DGKQ: variants seen among roughly 807,000 people sequenced by gnomAD.
DGKQ encodes the protein DAG kinase theta.
Under a neutral mutation model 104.2 loss-of-function variants are expected in DGKQ, and 97 were observed. The ratio of observed to expected loss-of-function variants is 0.93; its 90% confidence interval spans 0.79 to 1.10. DGKQ has a LOEUF of 1.10. DGKQ is among the 50% of genes least tolerant of loss of function. The pLI is 0.00. For missense variants in DGKQ, 1,465 were observed against 1,352.1 expected, an observed-to-expected ratio of 1.08 and a Z score of -1.31; for synonymous variants, 736 against 595.2, an observed-to-expected ratio of 1.24 and a Z score of -3.44.
rs748951776 is a variant in DGKQ at position 968,009 on chromosome 4, C to G, written c.682G>C (p.Ala228Pro). The G allele has an allele frequency of 3.4e-6, 5 of 1,449,622 alleles. No homozygotes were observed. Among genetic ancestry groups the G allele is most frequent in the Non-Finnish European group, 4.5e-6 (5 of 1,110,212 alleles). 89.8% of individuals were successfully genotyped at this position (1,449,622 alleles called of 1,614,324 possible). Reference protein sequence around the residue: ...CGVQAHSLCSAALAPECGFGR... With the variant: ...CGVQAHSLCSPALAPECGFGR... Reference sequence around the variant, plus strand: ...AAGCCACACTCGGGAGCCAGCGCCGCGGAGCAGAGGGAGTGCGCCTGGGGG... The same window carrying G: ...AAGCCACACTCGGGAGCCAGCGCCGGGGAGCAGAGGGAGTGCGCCTGGGGG... Residue 228 changes from alanine to proline, a missense_variant, in exon 6 of 23, where the codon GCG becomes CCG. Ala to Pro is a conservative substitution (Grantham distance 27). Transcript: ENST00000273814.
At position 973,569 on chromosome 4, in the gene DGKQ, T is replaced by G. The variant is rs981607383; in HGVS notation, c.-87A>C. 2.1e-6 allele frequency: 2 copies of G among 950,258 alleles called. No homozygotes were observed. Among genetic ancestry groups the G allele is most frequent in the Non-Finnish European group, 2.5e-6 (2 of 800,496 alleles). The allele number at this position is 950,258 out of a possible 1,614,324, so 58.9% of individuals were successfully genotyped here. The stretch of plus-strand genomic sequence containing the variant: ...CACGGCCCGGTACACTGCTTCCGAC[T>G]GCGCCTGCCCCACTGCGCAGGCGCG... On this transcript the variant is annotated 5_prime_UTR_variant, in exon 1 of 23. Transcript: ENST00000273814.
chr4:966,254 G>T, intron 12 of DGKQ, 176 bp from the exon 13 acceptor site: 1 of 854,146 alleles, frequency 1.2e-6, no homozygotes, highest in Non-Finnish European at 1.8e-6. Context: ...GACAACCCCT[G>T]TCCGTTCCCC....
chr4:966,173 A>G, intron 12 of DGKQ, 95 bp from the exon 13 acceptor site: 1 of 1,277,458 alleles, frequency 7.8e-7, no homozygotes, highest in Non-Finnish European at 1.1e-6. Context: ...AAAACAGGGC[A>G]TCAGGAACAC....
At chr4:966,182 A>C in intron 12 of DGKQ, 104 bp from the exon 13 acceptor site, 1 of 1,218,810 alleles carries the variant, frequency 8.2e-7, no homozygotes. Flanking sequence ...CATCAGGAAC[A>C]CTCCCAGGAA....
In DGKQ at chr4:960,718, G is replaced by A. The variant is rs760346126; in HGVS notation, c.2731C>T (p.His911Tyr). ...TTCTGCTTGGCCTTCCTCAGCATGT[G>A]CACCTGTCCCAGGGCAGGGGACAGA... ...MIISAAGPKV[H>Y]MLRKAKQKPR... Residue 911 changes from histidine to tyrosine, a missense_variant, in exon 23 of 23, where the codon CAC becomes TAC. His to Tyr is a moderately conservative substitution (Grantham distance 83). Transcript: ENST00000273814. 1 of 1,611,808 alleles carries A rather than the reference G, an allele frequency of 6.2e-7. No homozygotes were observed. The highest frequency in any genetic ancestry group is 1.1e-5 in the South Asian group (1 of 91,072).
chr4:973,523 G>A lies in DGKQ; in HGVS notation c.-41C>T, dbSNP rs1050358545. The A allele has an allele frequency of 1.0e-6, 1 of 987,294 alleles. No individual in the cohort carries two copies. The highest frequency in any genetic ancestry group is 1.2e-6 in the Non-Finnish European group (1 of 831,342). The allele number at this position is 987,294 out of a possible 1,614,324, so 61.2% of individuals were successfully genotyped here. On this transcript the variant is annotated 5_prime_UTR_variant, in exon 1 of 23. Transcript: ENST00000273814. Reference sequence around the variant, plus strand: ...CCCGAGCCCCTTTAGGTCCGCGCCGGGGGTACAGGAGCCGCCGCTCCACGG... The same window carrying A: ...CCCGAGCCCCTTTAGGTCCGCGCCGAGGGTACAGGAGCCGCCGCTCCACGG...
rs373066607 is a variant in DGKQ at position 966,634 on chromosome 4, G to T, written c.1367-107C>A. On this transcript the variant is annotated intron_variant, in intron 11 of 22. Coordinates refer to ENST00000273814, the MANE Select transcript of DGKQ (RefSeq NM_001347.4). ...TGGGGATGCAGGGTGGAGCTGGTCA[G>T]GAGGGCAGAGCCCGGCCTTGATGTC... 1.5e-4 allele frequency: 228 copies of T among 1,503,400 alleles called. 1 individual carries two copies. In the East Asian group the frequency reaches 5.1e-3, roughly 34 times the overall value. The allele number at this position is 1,503,400 out of a possible 1,614,324, so 93.1% of individuals were successfully genotyped here.
intron 22 of DGKQ, 95 bp downstream of exon 22, chr4:960,954 C>G (rs1054133143): frequency 5.2e-6 from 8 of 1,548,042 alleles, no homozygotes; most frequent in Non-Finnish European, 7.0e-6. Context: ...TGGCCGCAGC[C>G]GGCCATGCCA....
chr4:963,608 T>C (rs1228475474), intron 15 of DGKQ, among the ~76,000 whole-genome samples: 1 of 152,072 alleles, frequency 6.6e-6, no homozygotes, highest in Non-Finnish European at 1.5e-5. Flanking sequence ...GCAGCGCGAG[T>C]CCAGGCTGGA....
rs1255637361 is a variant in DGKQ at position 964,573 on chromosome 4, CT to C, written c.1734+602del. Among the ~76,000 whole-genome samples, 4 of 152,024 alleles carry C rather than the reference CT, an allele frequency of 2.6e-5. No individual in the cohort carries two copies. The East Asian group carries it at 7.7e-4, about 29-fold the overall frequency. ...CCCTGTCTCCATGTTCCAGATCCCC[CT>C]TTCCCCCAGCCCTGCCCTGTTGCCA... is the stretch of plus-strand genomic sequence containing the variant. On this transcript the variant is annotated intron_variant, in intron 15 of 22. Transcript: ENST00000273814.
At chr4:962,636 G>A (rs1296159341) in intron 17 of DGKQ, 23 bp from the exon 18 acceptor site, 1 of 1,603,516 alleles carries the variant, frequency 6.2e-7, no homozygotes, top group Non-Finnish European at 8.5e-7. Flanking sequence ...CAGACACAGA[G>A]CATCTGTCCA....
At chr4:968,977 T>C in intron 2 of DGKQ, 67 bp from the exon 3 acceptor site, 2 of 1,045,580 alleles carry the variant, frequency 1.9e-6, no homozygotes, top group Non-Finnish European at 2.8e-6. Context: ...CCCTCCTCGC[T>C]CTTCACCTGC....
chr4:962,525 G>T lies in DGKQ; in HGVS notation c.2124C>A (p.Asp708Glu), dbSNP rs757289192. 6 of 1,610,076 alleles carry T rather than the reference G, an allele frequency of 3.7e-6. No homozygotes were observed. The East Asian group carries it at 1.3e-4, about 36-fold the overall frequency. ...TGGTCCAGCGGTCCATGAGCACGGC[G>T]TCGGCCTCGTCCACAGACAGCAGTA... ...FSVLLSVDEA[D>E]AVLMDRWTIL... is the part of the protein sequence containing the mutation. Residue 708 changes from aspartate to glutamate, a missense_variant, in exon 18 of 23, where the codon GAC becomes GAA. Asp to Glu is a conservative substitution (Grantham distance 45). Transcript: ENST00000273814.
chr4:970,661 C>G (rs10005289), intron 2 of DGKQ, among the ~76,000 whole-genome samples: 3 of 152,212 alleles, frequency 2.0e-5, no homozygotes, highest in Non-Finnish European at 2.9e-5. Flanking sequence ...CTCCATCCCC[C>G]CCAGGAGCCC....
intron 5 of DGKQ, 39 bp from the exon 6 acceptor site, chr4:968,066 G>C (rs1175164130): frequency 7.3e-7 from 1 of 1,363,410 alleles, no homozygotes; most frequent in East Asian, 2.8e-5. Context: ...GTTGGAGCCA[G>C]GGTGCGGGGG....
chr4:961,543 C>T lies in DGKQ; in HGVS notation c.2498G>A (p.Ser833Asn), dbSNP rs1244022961. The change falls in exon 21 of 23, where the codon AGC (serine) becomes AAC (asparagine). Residue 833 changes from serine (S) to asparagine (N), a missense_variant. Ser to Asn is a conservative substitution (Grantham distance 46, BLOSUM62 1). Coordinates refer to ENST00000273814, the MANE Select transcript of DGKQ (RefSeq NM_001347.4). The part of the protein sequence containing the change: ...GSGADLWGSD[S>N]DTRFEKPRMD... ...GCGTGGCTTCTCAAACCTGGTGTCG[C>T]TGTCGGAGCCCCACAGGTCGGCCCC... 1.9e-6 allele frequency: 3 copies of T among 1,609,348 alleles called. No homozygotes were observed. Among genetic ancestry groups the T allele is most frequent in the Admixed American group, 1.7e-5 (1 of 59,740 alleles).
chr4:963,082 C>T (rs1712011371), intron 16 of DGKQ, 57 bp downstream of exon 16: 1 of 1,538,898 alleles, frequency 6.5e-7, no homozygotes, highest in African/African-American at 1.4e-5. Flanking sequence ...GTGGCAGCCT[C>T]CTGGGGCCCT....
chr4:969,990 G>T (rs1004788979), intron 2 of DGKQ, among the ~76,000 whole-genome samples: 2 of 152,260 alleles, frequency 1.3e-5, no homozygotes, highest in African/African-American at 4.8e-5. Context: ...GCAAAGTATA[G>T]AAGACATTAA....
chr4:966,775 C>T lies in DGKQ; in HGVS notation c.1339G>A (p.Val447Met). 6.2e-7 allele frequency: 1 copy of T among 1,610,190 alleles called. No homozygotes were observed. Among genetic ancestry groups the T allele is most frequent in the Non-Finnish European group, 8.5e-7 (1 of 1,178,870 alleles). Residue 447 changes from valine (V) to methionine (M), a missense_variant, in exon 11 of 23, where the codon GTG (valine) becomes ATG (methionine). Physicochemically the swap from Val to Met is conservative, Grantham distance 21. Transcript: ENST00000273814. Reference sequence around the variant, plus strand: ...TGCCTGCAGCCCATCGCCACCTCCACCAGCTGGAAGCTCTCGGGACTCTCG... The same window carrying T: ...TGCCTGCAGCCCATCGCCACCTCCATCAGCTGGAAGCTCTCGGGACTCTCG... ...QAESPESFQLVEVAMGCRHVQ... is the reference protein window; with the variant it reads ...QAESPESFQLMEVAMGCRHVQ...
Sources: gnomAD v4.1 joint callset for allele counts (sites outside exome capture counted in the v4.1 genomes callset) on GRCh38, gnomAD v4.1.1 for gene constraint, MANE v1.5 for transcripts, NCBI Gene and HGNC (gene_info 2026-07-23, HGNC 2026-07-21) for gene names.